The following ZAN variants were observed in gnomAD, a reference collection of about 807,000 sequenced individuals.
ZAN encodes the protein zonadhesin.
A neutral mutation model predicts 286.2 loss-of-function variants in ZAN; 260 were observed. That is an observed-to-expected ratio of 0.91 (90% CI 0.82 to 1.01). The LOEUF (loss-of-function observed/expected upper bound fraction) is 1.01. ZAN is among the 50% of genes least tolerant of loss of function. The pLI is 0.00. For missense variants in ZAN, 3,410 were observed against 3,639.2 expected, an observed-to-expected ratio of 0.94 and a Z score of 1.62; for synonymous variants, 1,368 against 1,417.5, an observed-to-expected ratio of 0.97 and a Z score of 0.79.
rs1554399154 is a variant in ZAN at position 100,747,999 on chromosome 7, A to AAG, written c.1024-137_1024-136insGA. 47 of 722,018 alleles carry AAG rather than the reference A, an allele frequency of 6.5e-5. No individual in the cohort carries two copies. In the Admixed American group the frequency reaches 9.2e-4, roughly 14 times the overall value. The allele number at this position is 722,018 out of a possible 1,614,324, so 44.7% of individuals were successfully genotyped here. A position where few individuals can be genotyped will look rare whatever the true frequency, so the allele number is the denominator to read the frequency against. On this transcript the variant is annotated intron_variant, in intron 9 of 47. Coordinates refer to ENST00000613979, the MANE Select transcript of ZAN (RefSeq NM_003386.3). ...AGAGCAAGACTCTGAAAAAAAAAAA[A>AAG]AAAGAAAGAAAGAACTGAATTGAGG... is the stretch of plus-strand genomic sequence containing the variant.
chr7:100,735,596 C>A, intron 2 of ZAN, 124 bp from the exon 3 acceptor site: 2 of 697,190 alleles, frequency 2.9e-6, no homozygotes, highest in South Asian at 1.9e-5. Context: ...TCAAGTCAGA[C>A]ACATTCACTG....
intron 31 of ZAN, among the ~76,000 whole-genome samples, chr7:100,774,906 C>G (rs1810643086): frequency 7.8e-6 from 1 of 129,032 alleles, no homozygotes; most frequent in Non-Finnish European, 1.6e-5. Context: ...CCTCCTAGCC[C>G]TGGCCCTGGG....
In ZAN at chr7:100,775,364, A is replaced by G. The variant is rs748819851; in HGVS notation, c.5816A>G (p.Tyr1939Cys). ...TGTCAGCTCCCAGGGGAGTCCCACT[A>G]CGTGAGCTTTGATGGTAGTAACCAT... ...GVCQLPGESH[Y>C]VSFDGSNHSI... The change falls in exon 32 of 48, where the codon TAC (tyrosine) becomes TGC (cysteine). Residue 1939 changes from tyrosine to cysteine, a missense_variant. Physicochemically the swap from Tyr to Cys is radical, Grantham distance 194. This residue lies in a region of ZAN where 1,289 missense variants were observed against 1,314.3 expected (regional missense o/e 0.98). Coordinates refer to ENST00000613979, the MANE Select transcript of ZAN (RefSeq NM_003386.3). The G allele has an allele frequency of 3.1e-6, 5 of 1,613,474 alleles. No homozygotes were observed. Among genetic ancestry groups the G allele is most frequent in the Admixed American group, 1.7e-5 (1 of 59,928 alleles).
In ZAN at chr7:100,787,918, C is replaced by A; in HGVS notation, c.7009C>A (p.Pro2337Thr). The A allele has an allele frequency of 1.3e-6, 2 of 1,543,246 alleles. No homozygotes were observed. Among genetic ancestry groups the A allele is most frequent in the South Asian group, 2.4e-5 (2 of 82,976 alleles). ...KSEQCSVYGDPRYLTFDGFSY... is the reference protein window; with the variant it reads ...KSEQCSVYGDTRYLTFDGFSY... ...TGAACAATGCTCAGTCTATGGCGAC[C>A]CCCGTTACCTCACATTTGACGGCTT... is the stretch of plus-strand genomic sequence containing the variant. Residue 2337 changes from proline to threonine, a missense_variant, in exon 38 of 48, where the codon CCC becomes ACC. Coordinates refer to ENST00000613979, the MANE Select transcript of ZAN (RefSeq NM_003386.3).
rs113604904 is a variant in ZAN, at chr7:100,761,947, GATAAATAA to G, written c.3843-234_3843-227del. Among the ~76,000 whole-genome samples, 353 of 148,078 alleles carry G rather than the reference GATAAATAA, an allele frequency of 2.4e-3. 2 individuals carry two copies. The highest frequency in any genetic ancestry group is 5.9e-3 in the African/African-American group (233 of 39,772). ...GAGAGAGACTCCATCTGAAAAAAAG[GATAAATAA>G]ATAAATAAATAAATAAATAAATAAA... On this transcript the variant is annotated intron_variant, in intron 19 of 47. Transcript: ENST00000613979.
chr7:100,753,205 A>G lies in ZAN; in HGVS notation c.3100A>G (p.Thr1034Ala). ...TATGACCAGTGTGATTCTGGGCACT[A>G]CCACAACCTCCAGATCCAGTACAGG... ...TPMTSVILGTTTTSRSSTERC... is the reference protein window; with the variant it reads ...TPMTSVILGTATTSRSSTERC... Residue 1034 changes from threonine (T) to alanine (A), a missense_variant, in exon 14 of 48, where the codon ACC becomes GCC. Transcript: ENST00000613979. The G allele has an allele frequency of 6.2e-7, 1 of 1,602,682 alleles. No homozygotes were observed. The highest frequency in any genetic ancestry group is 1.1e-5 in the South Asian group (1 of 89,642).
chr7:100,751,792 C>T lies in ZAN; in HGVS notation c.1687C>T (p.Pro563Ser), dbSNP rs752544564. The change falls in exon 14 of 48, where the codon CCT becomes TCT. Residue 563 changes from proline to serine, a missense_variant. Around this residue, in one of 7 missense-constraint regions of ZAN, gnomAD observed 872 missense variants for 938.9 expected, o/e 0.93. Transcript: ENST00000613979. ...PSETTGLTEN[P>S]TISTKKPTVS... ...TGAAACCACTGGCCTCACAGAAAAC[C>T]CTACAATCTCCACCAAGAAACCTAC... 10 of 1,612,982 alleles carry T rather than the reference C, an allele frequency of 6.2e-6. No homozygotes were observed. Among genetic ancestry groups the T allele is most frequent in the Admixed American group, 1.7e-5 (1 of 59,700 alleles).
chr7:100,788,101 T>C lies in ZAN; in HGVS notation c.7192T>C (p.Tyr2398His). 5 of 1,554,114 alleles carry C rather than the reference T, an allele frequency of 3.2e-6. No homozygotes were observed. Among genetic ancestry groups the C allele is most frequent in the Non-Finnish European group, 8.8e-7 (1 of 1,140,440 alleles). Residue 2398 changes from tyrosine to histidine, a missense_variant, in exon 38 of 48, where the codon TAT becomes CAT. Physicochemically the swap from Tyr to His is moderately conservative, Grantham distance 83 (BLOSUM62 2). This residue lies in a region of ZAN where 1,289 missense variants were observed against 1,314.3 expected (regional missense o/e 0.98). Transcript: ENST00000613979. ...GGAAGTGATTACCACCGTCTACGGC[T>C]ATAAAGTGCAGCTCCAAGCTGGTCT... ...LQEVITTVYGYKVQLQAGLEL... is the reference protein window; with the variant it reads ...LQEVITTVYGHKVQLQAGLEL...
chr7:100,794,714 T>G (rs1413066385), intron 44 of ZAN, among the ~76,000 whole-genome samples: 1 of 152,008 alleles, frequency 6.6e-6, no homozygotes, highest in Non-Finnish European at 1.5e-5. Flanking sequence ...GGTGCACTCC[T>G]GTAGTCTCAG....
At chr7:100,768,414 G>A (rs1178048654) in intron 26 of ZAN, among the ~76,000 whole-genome samples, 196 bp from the exon 27 acceptor site, 2 of 152,174 alleles carry the variant, frequency 1.3e-5, no homozygotes, top group Non-Finnish European at 2.9e-5. Context: ...GGACGTTGCA[G>A]TGAGCTGAGA....
At chr7:100,751,678 A>G (rs1808673202) in intron 13 of ZAN, 34 bp from the exon 14 acceptor site, 1 of 1,548,070 alleles carries the variant, frequency 6.5e-7, no homozygotes, top group African/African-American at 1.4e-5. Flanking sequence ...TATGGTTTTG[A>G]CTAAACTCCA....
In ZAN at chr7:100,767,836, T is replaced by G; in HGVS notation, c.4866T>G (p.Asn1622Lys). Residue 1622 changes from asparagine to lysine, a missense_variant, in exon 26 of 48, where the codon AAT becomes AAG. By Grantham distance (94) the Asn-to-Lys change is moderately conservative. This residue lies in a region of ZAN where 1,042 missense variants were observed against 1,058.0 expected (regional missense o/e 0.98). Coordinates refer to ENST00000613979, the MANE Select transcript of ZAN (RefSeq NM_003386.3). ...SLLRGCKVML[N>K]GHRVALPVWL... The stretch of plus-strand genomic sequence containing the variant: ...CGTCCTCCCTGCCTCTGCAGCTGAA[T>G]GGCCATCGGGTGGCCCTACCTGTGT... 1 of 1,612,488 alleles carries G rather than the reference T, an allele frequency of 6.2e-7. No homozygotes were observed. Among genetic ancestry groups the G allele is most frequent in the Non-Finnish European group, 8.5e-7 (1 of 1,179,322 alleles).
intron 11 of ZAN, among the ~76,000 whole-genome samples, chr7:100,750,329 G>T (rs899519182): frequency 6.6e-6 from 1 of 151,940 alleles, no homozygotes; most frequent in Non-Finnish European, 1.5e-5. Flanking sequence ...TGGAGACGGG[G>T]TTTCACCATG....
At chr7:100,772,999 G>A (rs762733455) in intron 29 of ZAN, among the ~76,000 whole-genome samples, 1 of 151,094 alleles carries the variant, frequency 6.6e-6, no homozygotes, top group Non-Finnish European at 1.5e-5. Flanking sequence ...AGCCACCCAA[G>A]TAGCTGGGAC....
Position 100,752,469 on chromosome 7 carries a change from C to G in ZAN, c.2364C>G (p.Thr788=). 6.2e-7 allele frequency: 1 copy of G among 1,601,468 alleles called. No individual in the cohort carries two copies. The highest frequency in any genetic ancestry group is 1.4e-5 in the African/African-American group (1 of 73,696). ...CCACCATCCCCACAGAAAAACCCAC[C>G]ATTCCCACAGAAAAACCCACCATCT... ...EKPTIPTEKP[T]IPTEKPTIST... Residue 788 remains threonine (T), a synonymous_variant, in exon 14 of 48, where the codon ACC becomes ACG. Coordinates refer to ENST00000613979, the MANE Select transcript of ZAN (RefSeq NM_003386.3).
chr7:100,748,477 A>G lies in ZAN; in HGVS notation c.1249+7A>G. 1.2e-6 allele frequency: 2 copies of G among 1,607,782 alleles called. No individual in the cohort carries two copies. Among genetic ancestry groups the G allele is most frequent in the Non-Finnish European group, 1.7e-6 (2 of 1,177,096 alleles). On this transcript the variant is annotated splice_region_variant and intron_variant, in intron 11 of 47. Coordinates refer to ENST00000613979, the MANE Select transcript of ZAN (RefSeq NM_003386.3). ...GGAGGTTTCCCTAATGCAGGTGAGG[A>G]GATTGAGGAGCGCTCACGCCAAGAA... is the stretch of plus-strand genomic sequence containing the variant.
At chr7:100,746,733 T>A in intron 8 of ZAN, 31 bp downstream of exon 8, 2 of 1,609,426 alleles carry the variant, frequency 1.2e-6, no homozygotes, top group Non-Finnish European at 1.7e-6. Context: ...GGATTTACAC[T>A]GATCTGGGCG....
In ZAN at chr7:100,738,580, G is replaced by T. The variant is rs747747456; in HGVS notation, c.733G>T (p.Val245Leu). ...QKKGSSGKPG[V>L]GPDGDFSSPG... ...GAAAGGGTCATCAGGAAAGCCAGGC[G>T]TGGGGCCTGATGGCGACTTCTCTAG... Residue 245 changes from valine to leucine, a missense_variant, in exon 7 of 48, where the codon GTG (valine) becomes TTG (leucine). Physicochemically the swap from Val to Leu is conservative, Grantham distance 32. Around this residue, in one of 7 missense-constraint regions of ZAN, gnomAD observed 872 missense variants for 938.9 expected, o/e 0.93. Coordinates refer to ENST00000613979, the MANE Select transcript of ZAN (RefSeq NM_003386.3). 2.8e-5 allele frequency: 43 copies of T among 1,517,872 alleles called. 10 individuals carry two copies. Among genetic ancestry groups the T allele is most frequent in the Non-Finnish European group, 9.0e-7 (1 of 1,105,236 alleles). 94.0% of individuals were successfully genotyped at this position (1,517,872 alleles called of 1,614,324 possible). A position where few individuals can be genotyped will look rare whatever the true frequency, so the allele number is the denominator to read the frequency against.
In ZAN at chr7:100,736,971, G is replaced by A; in HGVS notation, c.416G>A (p.Gly139Asp). ...GAQLRLLLLS[G>D]EEGRRPDVLW... ...CAGCTCAGGCTGCTGCTGCTCTCGG[G>A]TGAAGAGGGCCGCCGCCCCGATGTG... Residue 139 changes from glycine (G) to aspartate (D), a missense_variant, in exon 5 of 48, where the codon GGT becomes GAT. By Grantham distance (94) the Gly-to-Asp change is moderately conservative. Coordinates refer to ENST00000613979, the MANE Select transcript of ZAN (RefSeq NM_003386.3). 6.6e-7 allele frequency: 1 copy of A among 1,504,424 alleles called. No homozygotes were observed. Among genetic ancestry groups the A allele is most frequent in the Non-Finnish European group, 9.1e-7 (1 of 1,098,694 alleles). 93.2% of individuals were successfully genotyped at this position (1,504,424 alleles called of 1,614,324 possible). A position where few individuals can be genotyped will look rare whatever the true frequency, so the allele number is the denominator to read the frequency against.
Sources: allele counts gnomAD v4.1 joint callset (sites outside exome capture counted in the v4.1 genomes callset), GRCh38; gene constraint gnomAD v4.1.1; regional missense constraint gnomAD v4.1.1; transcripts MANE v1.5; gene names NCBI Gene and HGNC (gene_info 2026-07-23, HGNC 2026-07-21).